OTOP1: variants seen among roughly 807,000 people sequenced by gnomAD.
OTOP1 encodes otopetrin 1.
In OTOP1, 59 loss-of-function variants were observed where a neutral mutation model predicts 52.9. The ratio of observed to expected loss-of-function variants is 1.12; its 90% confidence interval spans 0.91 to 1.39. The LOEUF is 1.39. Among genes scored for constraint, OTOP1 ranks in the 40% most tolerant of loss-of-function variants. The probability of loss-of-function intolerance (pLI) is 0.00; values close to 1 mark genes in which losing one functional copy is unlikely to be tolerated. For missense variants in OTOP1, 761 were observed against 800.9 expected (o/e 0.95, Z 0.60); for synonymous variants, 317 against 337.7 (o/e 0.94, Z 0.67).
chr4:4,190,039 G>A (rs1167297790), intron 5 of OTOP1, among the ~76,000 whole-genome samples: 2 of 152,194 alleles, frequency 1.3e-5, no homozygotes, highest in African/African-American at 2.4e-5. Flanking sequence ...GAGTATTGGG[G>A]TGGTCTCTTC....
chr4:4,199,069 A>G (rs1038000008), intron 4 of OTOP1, among the ~76,000 whole-genome samples: 8 of 152,088 alleles, frequency 5.3e-5, no homozygotes, highest in Non-Finnish European at 1.0e-4. Flanking sequence ...CAAGCCTGTA[A>G]TACCAGCTGC....
At chr4:4,222,180 A>G (rs1717317802) in intron 1 of OTOP1, among the ~76,000 whole-genome samples, 1 of 152,098 alleles carries the variant, frequency 6.6e-6, no homozygotes, top group Non-Finnish European at 1.5e-5. Context: ...GGCTACCCCA[A>G]CAGTCACTGA....
intron 2 of OTOP1, among the ~76,000 whole-genome samples, chr4:4,211,386 ATT>A (rs1717022496): frequency 6.6e-6 from 1 of 152,162 alleles, no homozygotes; most frequent in African/African-American, 2.4e-5. Flanking sequence ...GAAAATAATC[ATT>A]GTGTCTCCGC....
intron 1 of OTOP1, among the ~76,000 whole-genome samples, chr4:4,221,450 A>C (rs1717299463): frequency 6.6e-6 from 1 of 151,154 alleles, no homozygotes; most frequent in South Asian, 2.1e-4. Flanking sequence ...AAAATAAAGA[A>C]AGAAAGAAGA....
chr4:4,220,691 A>G (rs1295510955), intron 1 of OTOP1, among the ~76,000 whole-genome samples: 7 of 152,236 alleles, frequency 4.6e-5, no homozygotes, highest in Non-Finnish European at 5.9e-5. Context: ...AATCGCCAAG[A>G]AAAAGTTGAT....
At chr4:4,203,293 G>T (rs901729272) in intron 3 of OTOP1, among the ~76,000 whole-genome samples, 21 of 152,266 alleles carry the variant, frequency 1.4e-4, no homozygotes, top group African/African-American at 5.1e-4. Context: ...GAGACAGCCA[G>T]CTTGGGCTAC....
In OTOP1 at chr4:4,196,818, C is replaced by T. The variant is rs143499033; in HGVS notation, c.1668+348G>A. Among the ~76,000 whole-genome samples, 453 of 152,338 alleles carry T rather than the reference C, an allele frequency of 3.0e-3. 2 individuals are homozygous for T. The highest frequency in any genetic ancestry group is 0.01 in the African/African-American group (430 of 41,578). On this transcript the variant is annotated intron_variant, in intron 5 of 5. Transcript: ENST00000296358. ...ATGAAATCACACTATTTGCAGCAACCTGGATAGAACTGGAGGCCTTATCCT... is the reference window on the plus strand; with the variant it reads ...ATGAAATCACACTATTTGCAGCAACTTGGATAGAACTGGAGGCCTTATCCT...
intron 4 of OTOP1, among the ~76,000 whole-genome samples, chr4:4,198,341 A>C (rs900765075): frequency 6.6e-6 from 1 of 152,148 alleles, no homozygotes; most frequent in Non-Finnish European, 1.5e-5. Flanking sequence ...GCCAAAGAGG[A>C]TAGAGAAGAT....
At chr4:4,218,610 A>C (rs1717202144) in intron 1 of OTOP1, among the ~76,000 whole-genome samples, 1 of 152,260 alleles carries the variant, frequency 6.6e-6, no homozygotes, top group African/African-American at 2.4e-5. Context: ...GGAAATGTTC[A>C]ATATTTTGTT....
rs1010845255 is a variant in OTOP1 at position 4,202,356 on chromosome 4, A to T, written c.730+92T>A. 26 of 1,574,040 alleles carry T rather than the reference A, an allele frequency of 1.7e-5. No homozygotes were observed. The South Asian group carries it at 2.9e-4, about 18-fold the overall frequency. On this transcript the variant is annotated intron_variant, in intron 4 of 5. Transcript: ENST00000296358. ...TTGGGTGGCCCTGCAGTTCTTTGGA[A>T]CCTGCACTCCATCTCTGAACTCTGT... is the stretch of plus-strand genomic sequence containing the variant.
At chr4:4,207,366 T>C (rs1484222114) in intron 2 of OTOP1, among the ~76,000 whole-genome samples, 1 of 152,134 alleles carries the variant, frequency 6.6e-6, no homozygotes, top group Non-Finnish European at 1.5e-5. Context: ...AAACTTGTAA[T>C]AGAAAATTCT....
chr4:4,194,022 T>A (rs2108795579), intron 5 of OTOP1, among the ~76,000 whole-genome samples: 1 of 152,210 alleles, frequency 6.6e-6, no homozygotes, highest in East Asian at 1.9e-4. Flanking sequence ...ACCCTGTCTC[T>A]ACTAAAAATA....
At chr4:4,209,474 C>T (rs1716977667) in intron 2 of OTOP1, among the ~76,000 whole-genome samples, 1 of 152,142 alleles carries the variant, frequency 6.6e-6, no homozygotes, top group Non-Finnish European at 1.5e-5. Context: ...CTCCAACCCA[C>T]CAACTAAGAG....
At chr4:4,219,967 A>G (rs145801446) in intron 1 of OTOP1, among the ~76,000 whole-genome samples, 2,326 of 144,890 alleles carry the variant, frequency 0.016, 27 homozygotes, top group Non-Finnish European at 0.024. Flanking sequence ...ACATGTATAC[A>G]TATATACACA....
At chr4:4,225,566 C>A (rs867001411) in intron 1 of OTOP1, among the ~76,000 whole-genome samples, 347 of 111,394 alleles carry the variant, frequency 3.1e-3, no homozygotes, top group Non-Finnish European at 3.3e-3. Context: ...AACATTGTCT[C>A]AAAAAAAAAA....
chr4:4,211,020 G>A (rs1717014792), intron 2 of OTOP1, among the ~76,000 whole-genome samples: 1 of 152,088 alleles, frequency 6.6e-6, no homozygotes, highest in East Asian at 1.9e-4. Context: ...CAAGTGCAAG[G>A]CAGCCCCTCC....
intron 2 of OTOP1, among the ~76,000 whole-genome samples, chr4:4,210,800 C>T (rs1187889576): frequency 4.6e-5 from 7 of 152,136 alleles, no homozygotes; most frequent in African/African-American, 1.7e-4. Context: ...CATTGCACTG[C>T]AGCCTGGGCG....
rs550042807 is a variant in OTOP1, at chr4:4,225,805, G to A, written c.403+657C>T. On this transcript the variant is annotated intron_variant, in intron 1 of 5. Transcript: ENST00000296358. ...TCACAGAGCTCCCCAGTGGAGTGGA[G>A]GGTACAGACATGTTGACAAGAACAC... 5.3e-3 allele frequency among the ~76,000 whole-genome samples: 807 copies of A among 152,256 alleles called. 5 individuals carry two copies. The highest frequency in any genetic ancestry group is 9.7e-3 in the Non-Finnish European group (657 of 68,016).
intron 4 of OTOP1, among the ~76,000 whole-genome samples, 156 bp from the exon 5 acceptor site, chr4:4,198,259 C>G (rs1716698650): frequency 6.6e-6 from 1 of 152,180 alleles, no homozygotes; most frequent in Admixed American, 6.5e-5. Flanking sequence ...CGTTTAATAT[C>G]ATGGCTAAGT....
Sources: gnomAD v4.1 joint callset for allele counts (sites outside exome capture counted in the v4.1 genomes callset) on GRCh38, gnomAD v4.1.1 for gene constraint, MANE v1.5 for transcripts, NCBI Gene and HGNC (gene_info 2026-07-23, HGNC 2026-07-21) for gene names.